DLGAP1: variants seen among roughly 807,000 people sequenced by gnomAD.
DLGAP1 encodes the protein DLG associated protein 1, also known as disks large-associated protein 1.
A neutral mutation model predicts 90.8 loss-of-function variants in DLGAP1; 11 were observed. That is an observed-to-expected ratio of 0.12 (90% CI 0.08 to 0.20). The LOEUF (loss-of-function observed/expected upper bound fraction) is 0.20, where lower values mean the gene tolerates loss of function less well. Among genes scored for constraint, DLGAP1 ranks in the 10% least tolerant of loss-of-function variants. The probability of loss-of-function intolerance (pLI) is 1.00; values close to 1 mark genes in which losing one functional copy is unlikely to be tolerated. For synonymous variants in DLGAP1, 558 were observed against 540.7 expected, an observed-to-expected ratio of 1.03 and a Z score of -0.44; for missense variants, 1,050 against 1,333.8, an observed-to-expected ratio of 0.79 and a Z score of 3.31.
chr18:3,620,069 A>G (rs1315499758), intron 7 of DLGAP1, among the ~76,000 whole-genome samples: 2 of 151,962 alleles, frequency 1.3e-5, no homozygotes, highest in Admixed American at 6.6e-5. Context: ...TGGATATGCT[A>G]CCTTCTAGGG....
intron 4 of DLGAP1, among the ~76,000 whole-genome samples, chr18:3,854,672 G>T (rs532630846): frequency 3.9e-5 from 6 of 152,168 alleles, no homozygotes; most frequent in Non-Finnish European, 4.4e-5. Flanking sequence ...ATTTAATACA[G>T]ATACATGTAA....
intron 2 of DLGAP1, among the ~76,000 whole-genome samples, chr18:4,031,376 A>C (rs1261428789): frequency 3.3e-5 from 5 of 152,206 alleles, no homozygotes; most frequent in African/African-American, 1.2e-4. Context: ...CAAACTACTG[A>C]AAACATTGGT....
intron 1 of DLGAP1, among the ~76,000 whole-genome samples, chr18:4,432,316 C>T (rs1488074550): frequency 2.6e-5 from 4 of 152,034 alleles, no homozygotes; most frequent in Non-Finnish European, 5.9e-5. Flanking sequence ...GTAACTGAAA[C>T]GTTTTACTAT....
At chr18:3,663,858 G>A (rs1345352391) in intron 7 of DLGAP1, among the ~76,000 whole-genome samples, 6 of 152,168 alleles carry the variant, frequency 3.9e-5, no homozygotes, top group African/African-American at 1.4e-4. Context: ...TGTGTGTGAA[G>A]GTGTTTCTGG....
chr18:3,573,370 C>T (rs551654425), intron 8 of DLGAP1, among the ~76,000 whole-genome samples: 4 of 152,092 alleles, frequency 2.6e-5, no homozygotes, highest in South Asian at 2.1e-4. Flanking sequence ...GGCGTGGTAG[C>T]GCGTGGATGT....
chr18:4,425,077 G>A lies in DLGAP1; in HGVS notation c.-267+29929C>T, dbSNP rs907510928. On this transcript the variant is annotated intron_variant, in intron 1 of 12. Transcript: ENST00000315677. ...TCCTTGGTGGGGCGGGGGGCGGGGC[G>A]CTAAAATTTGATTTTTATTTTCTTT... Among the ~76,000 whole-genome samples the A allele has an allele frequency of 4.7e-5, 7 of 148,094 alleles. No individual in the cohort carries two copies. The East Asian group carries it at 1.0e-3, about 22-fold the overall frequency.
At chr18:3,588,622 A>G (rs2056039934) in intron 7 of DLGAP1, among the ~76,000 whole-genome samples, 1 of 151,226 alleles carries the variant, frequency 6.6e-6, no homozygotes, top group African/African-American at 2.4e-5. Flanking sequence ...TCTACTAAAA[A>G]TACAAAAATT....
chr18:3,827,070 G>C (rs1271994615), intron 4 of DLGAP1, among the ~76,000 whole-genome samples: 1 of 152,162 alleles, frequency 6.6e-6, no homozygotes, highest in Non-Finnish European at 1.5e-5. Flanking sequence ...TGGAAATTAG[G>C]AGTTCAGTTT....
At chr18:3,972,521 T>C (rs2073475249) in intron 3 of DLGAP1, among the ~76,000 whole-genome samples, 1 of 151,964 alleles carries the variant, frequency 6.6e-6, no homozygotes, top group Non-Finnish European at 1.5e-5. Context: ...TCTCTCTCTC[T>C]CTTTCTTTCT....
chr18:3,518,218 G>T (rs551547690), intron 10 of DLGAP1, among the ~76,000 whole-genome samples: 3 of 152,304 alleles, frequency 2.0e-5, no homozygotes, highest in South Asian at 2.1e-4. Context: ...GCATAGGAAG[G>T]CCTGAGGAGA....
intron 1 of DLGAP1, among the ~76,000 whole-genome samples, chr18:4,254,134 C>A (rs535322788): frequency 6.6e-6 from 1 of 152,208 alleles, no homozygotes; most frequent in African/African-American, 2.4e-5. Context: ...CAAGACTCAT[C>A]CACGGCACAA....
chr18:4,334,438 C>T (rs1358585499), intron 1 of DLGAP1, among the ~76,000 whole-genome samples: 3 of 151,816 alleles, frequency 2.0e-5, no homozygotes, highest in Non-Finnish European at 4.4e-5. Flanking sequence ...CATGAATTTC[C>T]TTCCTGGTAC....
intron 2 of DLGAP1, among the ~76,000 whole-genome samples, chr18:4,150,590 C>T (rs2076659155): frequency 6.6e-6 from 1 of 152,192 alleles, no homozygotes; most frequent in Non-Finnish European, 1.5e-5. Context: ...CCTGCCACCA[C>T]ACCCAGCTAA....
intron 4 of DLGAP1, among the ~76,000 whole-genome samples, chr18:3,852,068 T>C (rs1233143416): frequency 6.6e-6 from 1 of 152,150 alleles, no homozygotes; most frequent in Admixed American, 6.6e-5. Context: ...AGGAGAGCCA[T>C]CATATGCATA....
intron 1 of DLGAP1, among the ~76,000 whole-genome samples, chr18:4,358,900 A>G (rs2081577398): frequency 6.6e-6 from 1 of 152,140 alleles, no homozygotes; most frequent in Non-Finnish European, 1.5e-5. Context: ...ATTCTCCAAG[A>G]GCTCTGTTAG....
chr18:4,194,219 C>A (rs145673031), intron 1 of DLGAP1, among the ~76,000 whole-genome samples: 1 of 152,210 alleles, frequency 6.6e-6, no homozygotes, highest in East Asian at 1.9e-4. Context: ...CATGAGTACC[C>A]AATGTTTAGC....
At chr18:4,191,196 C>A (rs1021788873) in intron 1 of DLGAP1, among the ~76,000 whole-genome samples, 11 of 152,050 alleles carry the variant, frequency 7.2e-5, no homozygotes, top group African/African-American at 2.4e-4. Flanking sequence ...TGACATTTTT[C>A]TCTTCAGGTT....
At chr18:3,731,562 C>T (rs1959845536) in intron 6 of DLGAP1, among the ~76,000 whole-genome samples, 1 of 146,920 alleles carries the variant, frequency 6.8e-6, no homozygotes, top group African/African-American at 2.6e-5. Context: ...TACGCACCAC[C>T]ACGCCTGGCT....
intron 7 of DLGAP1, among the ~76,000 whole-genome samples, chr18:3,634,111 T>C (rs926730987): frequency 6.6e-6 from 1 of 152,130 alleles, no homozygotes; most frequent in African/African-American, 2.4e-5. Flanking sequence ...TTGGACAATG[T>C]GGCTGGATGA....
Sources: gnomAD v4.1 joint callset for allele counts (sites outside exome capture counted in the v4.1 genomes callset) on GRCh38, gnomAD v4.1.1 for gene constraint, MANE v1.5 for transcripts, NCBI Gene and HGNC (gene_info 2026-07-23, HGNC 2026-07-21) for gene names.